GAB2: variants seen among roughly 807,000 people sequenced by gnomAD.
GAB2 encodes the protein GRB2-associated-binding protein 2.
Under a neutral mutation model 65.5 loss-of-function variants are expected in GAB2, and 26 were observed. The ratio of observed to expected loss-of-function variants is 0.40; its 90% CI spans 0.29 to 0.55. GAB2 has a LOEUF of 0.55. Among genes scored for constraint, GAB2 ranks in the 20% least tolerant of loss-of-function variants. The pLI, the probability that GAB2 is intolerant of heterozygous loss-of-function variation, is 0.53. For synonymous variants in GAB2, 321 were observed against 329.6 expected (o/e 0.97, Z 0.28); for missense variants, 884 against 875.8 (o/e 1.01, Z -0.12).
chr11:78,417,346 CA>C (rs1401538341), intron 1 of GAB2, among the ~76,000 whole-genome samples: 3 of 132,042 alleles, frequency 2.3e-5, no homozygotes, highest in Admixed American at 7.3e-5. Flanking sequence ...CAGAAGCCAT[CA>C]ATACAAAACT....
chr11:78,277,355 C>A (rs764523300), intron 2 of GAB2, among the ~76,000 whole-genome samples: 4 of 152,176 alleles, frequency 2.6e-5, no homozygotes, highest in Non-Finnish European at 4.4e-5. Flanking sequence ...GGGCAGGAGC[C>A]TCTCCTGCCC....
chr11:78,386,062 T>G lies in GAB2; in HGVS notation c.75+31584A>C, dbSNP rs182644979. Among the ~76,000 whole-genome samples, 42 of 152,332 alleles carry G rather than the reference T, an allele frequency of 2.8e-4. 1 individual carries two copies. The East Asian group carries it at 7.5e-3, about 27-fold the overall frequency. Reference sequence around the variant, plus strand: ...TGAGATATATGATGGTCAAGACTCTTAGACTCATTCTTTATTCTTTGTCAG... The same window carrying G: ...TGAGATATATGATGGTCAAGACTCTGAGACTCATTCTTTATTCTTTGTCAG... On this transcript the variant is annotated intron_variant, in intron 1 of 9. Coordinates refer to ENST00000361507, the MANE Select transcript of GAB2 (RefSeq NM_080491.3).
intron 1 of GAB2, among the ~76,000 whole-genome samples, chr11:78,406,315 A>C (rs1186791287): frequency 6.6e-6 from 1 of 152,250 alleles, no homozygotes; most frequent in Non-Finnish European, 1.5e-5. Flanking sequence ...AGAGAAATCC[A>C]GATAAAACAC....
At chr11:78,309,871 G>A (rs995437921) in intron 1 of GAB2, among the ~76,000 whole-genome samples, 1 of 151,512 alleles carries the variant, frequency 6.6e-6, no homozygotes, top group African/African-American at 2.4e-5. Flanking sequence ...AGAGGTGTCT[G>A]GTTATAATGG....
In GAB2 at chr11:78,219,116, G is replaced by A. The variant is rs1009027607; in HGVS notation, c.*156C>T. The stretch of plus-strand genomic sequence containing the variant: ...TTGATCAGGCCCTCACCTCCCAGGG[G>A]AAGGGTTCAGGGTCCCTGATGTCAA... On this transcript the variant is annotated 3_prime_UTR_variant, in exon 10 of 10. Coordinates refer to ENST00000361507, the MANE Select transcript of GAB2 (RefSeq NM_080491.3). 36 of 676,866 alleles carry A rather than the reference G, an allele frequency of 5.3e-5. No homozygotes were observed. Among genetic ancestry groups the A allele is most frequent in the Non-Finnish European group, 7.8e-5 (32 of 408,002 alleles). The allele number at this position is 676,866 out of a possible 1,614,324, so 41.9% of individuals were successfully genotyped here. A position where few individuals can be genotyped will look rare whatever the true frequency, so the allele number is the denominator to read the frequency against.
chr11:78,252,412 G>A (rs545832138), intron 2 of GAB2, among the ~76,000 whole-genome samples: 1 of 152,328 alleles, frequency 6.6e-6, no homozygotes, highest in East Asian at 1.9e-4. Flanking sequence ...AATAGTGGAG[G>A]AGAGAGGGTT....
intron 1 of GAB2, among the ~76,000 whole-genome samples, chr11:78,288,563 A>G (rs910503508): frequency 1.3e-5 from 2 of 152,256 alleles, no homozygotes; most frequent in African/African-American, 4.8e-5. Flanking sequence ...AGGCATATAA[A>G]ATAAAAATAC....
In GAB2 at chr11:78,220,489, C is replaced by G. The variant is rs1590936211; in HGVS notation, c.1762-45G>C. ...ACTGTGAGTGACTGCAGAAAACAGA[C>G]TAACCCACCACCCAGAAAAACACCT... On this transcript the variant is annotated intron_variant, in intron 8 of 9. Transcript: ENST00000361507. 3 of 1,523,332 alleles carry G rather than the reference C, an allele frequency of 2.0e-6. 1 individual carries two copies. The East Asian group carries it at 7.0e-5, about 36-fold the overall frequency. 94.4% of individuals were successfully genotyped at this position (1,523,332 alleles called of 1,614,324 possible).
At chr11:78,389,540 T>C (rs2135061787) in intron 1 of GAB2, among the ~76,000 whole-genome samples, 2 of 152,256 alleles carry the variant, frequency 1.3e-5, no homozygotes, top group South Asian at 4.1e-4. Context: ...ACTCCCAACC[T>C]CAGGTGATCC....
chr11:78,415,941 T>G (rs1180433050), intron 1 of GAB2, among the ~76,000 whole-genome samples: 1 of 141,392 alleles, frequency 7.1e-6, no homozygotes, highest in African/African-American at 2.7e-5. Context: ...AAGGGTCACT[T>G]TTTTTTTTTT....
At chr11:78,288,401 A>G (rs1866551561) in intron 1 of GAB2, among the ~76,000 whole-genome samples, 1 of 149,674 alleles carries the variant, frequency 6.7e-6, no homozygotes, top group Non-Finnish European at 1.5e-5. Context: ...AAAAAAAAGA[A>G]GAAGAAGAAG....
At chr11:78,298,238 G>T (rs1866895211) in intron 1 of GAB2, among the ~76,000 whole-genome samples, 1 of 152,160 alleles carries the variant, frequency 6.6e-6, no homozygotes, top group Non-Finnish European at 1.5e-5. Context: ...ATATTTCAGA[G>T]GCTGAAATGA....
At chr11:78,275,758 G>A (rs887787552) in intron 2 of GAB2, among the ~76,000 whole-genome samples, 2 of 152,020 alleles carry the variant, frequency 1.3e-5, no homozygotes, top group Admixed American at 6.6e-5. Context: ...TTCTGTGTGT[G>A]TATATATACA....
At chr11:78,363,290 T>C (rs1336229453) in intron 1 of GAB2, among the ~76,000 whole-genome samples, 1 of 152,226 alleles carries the variant, frequency 6.6e-6, no homozygotes, top group Non-Finnish European at 1.5e-5. Flanking sequence ...AGCAATTCTG[T>C]GTGCTTATGC....
At position 78,216,412 on chromosome 11, in the gene GAB2, T is replaced by C. The variant is rs1440954687; in HGVS notation, c.*2860A>G. 2.0e-5 allele frequency: 3 copies of C among 152,196 alleles called. No homozygotes were observed. Among genetic ancestry groups the C allele is most frequent in the Admixed American group, 2.0e-4 (3 of 15,282 alleles). The allele number at this position is 152,196 out of a possible 1,614,324, so 9.4% of individuals were successfully genotyped here. A position where few individuals can be genotyped will look rare whatever the true frequency, so the allele number is the denominator to read the frequency against. ...AAAGGACCAGTTTTTTCAACTGAGT[T>C]GACTCCTTTGTTGGAGGAGGTAGTG... On this transcript the variant is annotated 3_prime_UTR_variant, in exon 10 of 10. Transcript: ENST00000361507.
chr11:78,350,996 G>T (rs1856268794), intron 1 of GAB2, among the ~76,000 whole-genome samples: 1 of 152,222 alleles, frequency 6.6e-6, no homozygotes, highest in Non-Finnish European at 1.5e-5. Context: ...ATGGGGGAAG[G>T]AAGTCGTGGA....
intron 1 of GAB2, among the ~76,000 whole-genome samples, chr11:78,299,368 G>GA (rs1866929520): frequency 6.6e-6 from 1 of 152,200 alleles, no homozygotes; most frequent in African/African-American, 2.4e-5. Flanking sequence ...TAAGATCACA[G>GA]GAAAAGACAG....
At chr11:78,287,327 G>A (rs964063909) in intron 1 of GAB2, among the ~76,000 whole-genome samples, 1 of 151,978 alleles carries the variant, frequency 6.6e-6, no homozygotes, top group Non-Finnish European at 1.5e-5. Context: ...CACTCAGGTT[G>A]GAATGCAGAG....
chr11:78,416,796 A>C (rs1857202327), intron 1 of GAB2, among the ~76,000 whole-genome samples: 1 of 151,662 alleles, frequency 6.6e-6, no homozygotes, highest in Admixed American at 6.6e-5. Context: ...AAAAAAAAAA[A>C]AAGCCAGAAC....
Sources: allele counts gnomAD v4.1 joint callset (sites outside exome capture counted in the v4.1 genomes callset), GRCh38; gene constraint gnomAD v4.1.1; transcripts MANE v1.5; gene names NCBI Gene and HGNC (gene_info 2026-07-23, HGNC 2026-07-21).